Variants in PCDHGB2 observed in about 807,000 individuals in gnomAD.
PCDHGB2 encodes the protein protocadherin gamma subfamily B, 2.
In PCDHGB2, 55 loss-of-function variants were observed where a neutral mutation model predicts 59.3. That is an observed-to-expected ratio of 0.93 (90% CI 0.75 to 1.16). The LOEUF (loss-of-function observed/expected upper bound fraction) is 1.16, where lower values mean the gene tolerates loss of function less well. Among genes scored for constraint, PCDHGB2 ranks in the 50% most tolerant of loss-of-function variants. The probability of loss-of-function intolerance (pLI) is 0.00; values close to 1 mark genes in which losing one functional copy is unlikely to be tolerated. For missense variants in PCDHGB2, 1,228 were observed against 1,198.5 expected, an observed-to-expected ratio of 1.02 and a Z score of -0.36; for synonymous variants, 516 against 512.0, an observed-to-expected ratio of 1.01 and a Z score of -0.11.
chr5:141,419,470 G>A (rs2096387963), intron 1 of PCDHGB2: 1 of 1,612,362 alleles, frequency 6.2e-7, no homozygotes, highest in African/African-American at 1.3e-5. Context: ...CCCGCGACCA[G>A]GGCTCGCCCG....
chr5:141,412,847 A>G (rs1206334568), intron 1 of PCDHGB2: 1 of 213,282 alleles, frequency 4.7e-6, no homozygotes, highest in Non-Finnish European at 9.1e-6. Flanking sequence ...AGGAGTGGAG[A>G]AACCAAAGAA....
At chr5:141,399,512 C>T (rs2093823931) in intron 1 of PCDHGB2, 1 of 1,614,044 alleles carries the variant, frequency 6.2e-7, no homozygotes, top group East Asian at 2.2e-5. Context: ...GAAAACAACC[C>T]TCCTGGGGCC....
chr5:141,421,505 G>A (rs745883683), intron 1 of PCDHGB2: 3 of 1,614,058 alleles, frequency 1.9e-6, no homozygotes, highest in South Asian at 1.1e-5. Context: ...AGGATAGACC[G>A]GGAGGAGCTC....
At chr5:141,458,727 A>G (rs1424554234) in intron 1 of PCDHGB2, among the ~76,000 whole-genome samples, 1 of 151,570 alleles carries the variant, frequency 6.6e-6, no homozygotes, top group East Asian at 1.9e-4. Flanking sequence ...TCGCCACCAC[A>G]TCCAGCTATT....
chr5:141,360,462 C>T lies in PCDHGB2; in HGVS notation c.327C>T (p.Val109=). The change falls in exon 1 of 4, where the codon GTC becomes GTT. Residue 109 remains valine (V), a synonymous_variant. Coordinates refer to ENST00000522605, the MANE Select transcript of PCDHGB2 (RefSeq NM_018923.3). Reference sequence around the variant, plus strand: ...TGTGTGTTCTGGATTTCGATACTGTCGCTGAAAATCCACTAAATATTTTCT... The same window carrying T: ...TGTGTGTTCTGGATTTCGATACTGTTGCTGAAAATCCACTAAATATTTTCT... ...QPLCVLDFDT[V]AENPLNIFYI... 1 of 1,613,902 alleles carries T rather than the reference C, an allele frequency of 6.2e-7. No individual in the cohort carries two copies. Among genetic ancestry groups the T allele is most frequent in the South Asian group, 1.1e-5 (1 of 91,064 alleles).
chr5:141,409,172 G>C (rs574905228), intron 1 of PCDHGB2: 1 of 1,614,006 alleles, frequency 6.2e-7, no homozygotes, highest in Non-Finnish European at 8.5e-7. Context: ...AGCGAAGGAC[G>C]GAGGTGGTCT....
intron 1 of PCDHGB2, chr5:141,403,105 C>G (rs1226095779): frequency 6.2e-7 from 1 of 1,614,056 alleles, no homozygotes; most frequent in East Asian, 2.2e-5. Context: ...TCTCCAAGGA[C>G]CTGGCTCTGG....
At chr5:141,378,972 G>A (rs2150135353) in intron 1 of PCDHGB2, 1 of 152,298 alleles carries the variant, frequency 6.6e-6, no homozygotes, top group Middle Eastern at 3.4e-3. Context: ...CTAATTTGAT[G>A]ACTTGTTGAA....
chr5:141,363,996 G>A (rs1467481221), intron 1 of PCDHGB2, among the ~76,000 whole-genome samples: 3 of 152,124 alleles, frequency 2.0e-5, no homozygotes, highest in Admixed American at 1.3e-4. Context: ...CTGAATTAAC[G>A]GTCATAAACA....
chr5:141,455,104 G>A (rs2098813087), intron 1 of PCDHGB2, among the ~76,000 whole-genome samples: 1 of 151,888 alleles, frequency 6.6e-6, no homozygotes, highest in East Asian at 1.9e-4. Flanking sequence ...GAGCCACTGC[G>A]CCCGGTGGGT....
intron 1 of PCDHGB2, chr5:141,393,472 C>A: frequency 6.2e-7 from 1 of 1,614,024 alleles, no homozygotes; most frequent in Non-Finnish European, 8.5e-7. Context: ...GGCGGCAAGC[C>A]GCCTCGCTCT....
In PCDHGB2 at chr5:141,419,475, C is replaced by T. The variant is rs775720158; in HGVS notation, c.2421+56919C>T. On this transcript the variant is annotated intron_variant, in intron 1 of 3. Coordinates refer to ENST00000522605, the MANE Select transcript of PCDHGB2 (RefSeq NM_018923.3). Reference sequence around the variant, plus strand: ...ACGCTGCAGGCCCGCGACCAGGGCTCGCCCGCGCTCAGCGCCAATGTGAGC... The same window carrying T: ...ACGCTGCAGGCCCGCGACCAGGGCTTGCCCGCGCTCAGCGCCAATGTGAGC... The T allele has an allele frequency of 4.6e-5, 74 of 1,612,266 alleles. No homozygotes were observed. The highest frequency in any genetic ancestry group is 5.9e-5 in the Non-Finnish European group (70 of 1,179,514).
intron 1 of PCDHGB2, chr5:141,378,041 T>C (rs1774568031): frequency 6.6e-6 from 1 of 152,220 alleles, no homozygotes; most frequent in Admixed American, 6.5e-5. Flanking sequence ...AACAAGACTT[T>C]CCTTATCTAT....
chr5:141,486,416 C>T lies in PCDHGB2; in HGVS notation c.2422-8391C>T, dbSNP rs2154580601. The T allele has an allele frequency of 6.2e-7, 1 of 1,614,152 alleles. No individual in the cohort carries two copies. The highest frequency in any genetic ancestry group is 8.5e-7 in the Non-Finnish European group (1 of 1,180,016). On this transcript the variant is annotated intron_variant, in intron 1 of 3. Coordinates refer to ENST00000522605, the MANE Select transcript of PCDHGB2 (RefSeq NM_018923.3). This position sits in a 1 kb window ranked among gnomAD's most constrained non-coding sequence, Gnocchi z 5.0. ...CCTGGTGACTGCTGGACCCTTGGAT[C>T]GAGAGGCCAAATCTAGCTATGACAT...
intron 1 of PCDHGB2, chr5:141,400,754 C>A (rs6880273): frequency 0.26 from 150,367 of 588,610 alleles, 21,664 homozygotes; most frequent in African/African-American, 0.5. Context: ...TTAGCTTCCT[C>A]TCTAGCAAAA....
Position 141,360,455 on chromosome 5 carries a change from A to G in PCDHGB2, c.320A>G (p.Asp107Gly), listed in dbSNP as rs369787624. The G allele has an allele frequency of 6.2e-7, 1 of 1,613,980 alleles. No individual in the cohort carries two copies. Among genetic ancestry groups the G allele is most frequent in the Non-Finnish European group, 8.5e-7 (1 of 1,179,874 alleles). The change falls in exon 1 of 4, where the codon GAT becomes GGT. Residue 107 changes from aspartate (D) to glycine (G), a missense_variant. This residue lies in a region of PCDHGB2 where 781 missense variants were observed against 721.6 expected (regional missense o/e 1.08). Coordinates refer to ENST00000522605, the MANE Select transcript of PCDHGB2 (RefSeq NM_018923.3). ...CAGCCTCTGTGTGTTCTGGATTTCG[A>G]TACTGTCGCTGAAAATCCACTAAAT... ...GKQPLCVLDF[D>G]TVAENPLNIF... is the part of the protein sequence containing the mutation.
chr5:141,421,923 G>T (rs2096611568), intron 1 of PCDHGB2: 1 of 1,613,590 alleles, frequency 6.2e-7, no homozygotes. Flanking sequence ...TTCGTGTGGT[G>T]GTCCTCGATG....
At chr5:141,410,182 T>G in intron 1 of PCDHGB2, 1 of 1,613,868 alleles carries the variant, frequency 6.2e-7, no homozygotes, top group Non-Finnish European at 8.5e-7. Flanking sequence ...CCGCCACGCT[T>G]CATCTGGTCT....
intron 1 of PCDHGB2, chr5:141,384,947 G>A: frequency 6.2e-7 from 1 of 1,614,100 alleles, no homozygotes; most frequent in Non-Finnish European, 8.5e-7. Context: ...CCCTCCGACG[G>A]TCCTTACAAC....
Sources: gnomAD v4.1 joint callset for allele counts (sites outside exome capture counted in the v4.1 genomes callset) on GRCh38, gnomAD v4.1.1 for gene constraint, gnomAD v4.1.1 regional missense constraint, Gnocchi (gnomAD v3.1) non-coding constraint, MANE v1.5 for transcripts, NCBI Gene and HGNC (gene_info 2026-07-23, HGNC 2026-07-21) for gene names.